The following GRIK4 variants were observed in gnomAD, a reference collection of about 807,000 sequenced individuals.
GRIK4 encodes glutamate receptor ionotropic, kainate 4.
Under a neutral mutation model 104.9 loss-of-function variants are expected in GRIK4, and 40 were observed. The observed-to-expected ratio is 0.38, with a 90% CI of 0.30 to 0.50. GRIK4 has a LOEUF of 0.50. Among genes scored for constraint, GRIK4 ranks in the 20% least tolerant of loss-of-function variants. The pLI is 0.93. For synonymous variants in GRIK4, 485 were observed against 524.9 expected (o/e 0.92, Z 1.04); for missense variants, 1,047 against 1,308.1 (o/e 0.80, Z 3.08).
intron 4 of GRIK4, among the ~76,000 whole-genome samples, chr11:120,807,939 C>A (rs545266760): frequency 3.9e-5 from 6 of 152,156 alleles, no homozygotes; most frequent in Non-Finnish European, 8.8e-5. Context: ...ATGAGTGGCA[C>A]AGACAGGGGA....
chr11:120,917,781 A>C (rs1023601106), intron 13 of GRIK4, among the ~76,000 whole-genome samples: 1 of 152,216 alleles, frequency 6.6e-6, no homozygotes, highest in Non-Finnish European at 1.5e-5. Flanking sequence ...GAGCTCCTTC[A>C]AACCCCATTG....
At chr11:120,845,022 C>T (rs1241371654) in intron 8 of GRIK4, among the ~76,000 whole-genome samples, 1 of 152,192 alleles carries the variant, frequency 6.6e-6, no homozygotes, top group Non-Finnish European at 1.5e-5. Context: ...GTGGTGTCTT[C>T]AGGCCAACAC....
At chr11:120,596,021 A>G (rs1948797449) in intron 1 of GRIK4, among the ~76,000 whole-genome samples, 1 of 151,838 alleles carries the variant, frequency 6.6e-6, no homozygotes, top group East Asian at 1.9e-4. Context: ...TAATTTTTGT[A>G]TTTTTAGTAG....
At chr11:120,660,494 C>A in intron 3 of GRIK4, 94 bp downstream of exon 3, 2 of 936,322 alleles carry the variant, frequency 2.1e-6, no homozygotes, top group Non-Finnish European at 3.3e-6. Context: ...GGGGAAGCTG[C>A]CCAGCCCGTG....
chr11:120,535,294 G>GT (rs59203987), intron 1 of GRIK4, among the ~76,000 whole-genome samples: 1 of 145,582 alleles, frequency 6.9e-6, no homozygotes, highest in South Asian at 2.2e-4. Context: ...GGGAAGGGGG[G>GT]TGCAGATCTT....
chr11:120,512,436 G>T (rs888491447), intron 1 of GRIK4, among the ~76,000 whole-genome samples: 2 of 146,644 alleles, frequency 1.4e-5, no homozygotes, highest in South Asian at 4.4e-4. Flanking sequence ...CATCTGCCTC[G>T]ACTGCCCCCT....
intron 1 of GRIK4, among the ~76,000 whole-genome samples, chr11:120,602,742 G>A (rs1043219053): frequency 4.6e-5 from 7 of 152,206 alleles, no homozygotes; most frequent in East Asian, 3.9e-4. Context: ...TCGCTCTGTC[G>A]TCCAGGCTGG....
intron 4 of GRIK4, among the ~76,000 whole-genome samples, chr11:120,810,130 A>G (rs947328276): frequency 6.6e-6 from 1 of 152,204 alleles, no homozygotes; most frequent in African/African-American, 2.4e-5. Flanking sequence ...TTGAATCTCC[A>G]GTAACCCCAT....
chr11:120,861,264 A>G (rs956130825), intron 8 of GRIK4, among the ~76,000 whole-genome samples: 13 of 151,610 alleles, frequency 8.6e-5, no homozygotes, highest in African/African-American at 3.1e-4. Flanking sequence ...ATGCACCACC[A>G]CATCCGGCTA....
chr11:120,868,706 C>G (rs1954507505), intron 9 of GRIK4: 1 of 152,188 alleles, frequency 6.6e-6, no homozygotes, highest in African/African-American at 2.4e-5. Context: ...CTCAGCCTCC[C>G]AAGTAGCTGG....
chr11:120,718,552 C>T (rs547306759), intron 3 of GRIK4, among the ~76,000 whole-genome samples: 9 of 152,330 alleles, frequency 5.9e-5, no homozygotes, highest in African/African-American at 2.2e-4. Context: ...CCTCCAGCCG[C>T]AAGTACAGCC....
chr11:120,522,024 G>A (rs1947801431), intron 1 of GRIK4, among the ~76,000 whole-genome samples: 1 of 152,200 alleles, frequency 6.6e-6, no homozygotes. Context: ...AGTAGGTACT[G>A]TTGTCCCACT....
At chr11:120,774,629 T>C (rs1207679785) in intron 3 of GRIK4, among the ~76,000 whole-genome samples, 3 of 152,152 alleles carry the variant, frequency 2.0e-5, no homozygotes, top group African/African-American at 7.2e-5. Context: ...GTTAATCATA[T>C]AAAAAATACC....
intron 3 of GRIK4, among the ~76,000 whole-genome samples, chr11:120,799,548 T>C (rs1952585565): frequency 6.6e-6 from 1 of 152,248 alleles, no homozygotes. Context: ...GGAGTCAGGC[T>C]GACCTGGGCT....
chr11:120,685,927 C>T (rs1950268558), intron 3 of GRIK4, among the ~76,000 whole-genome samples: 2 of 152,172 alleles, frequency 1.3e-5, no homozygotes, highest in Non-Finnish European at 2.9e-5. Flanking sequence ...TCCAAATCAT[C>T]TGCAGCGCTA....
At chr11:120,797,617 G>A (rs1416001629) in intron 3 of GRIK4, among the ~76,000 whole-genome samples, 2 of 152,130 alleles carry the variant, frequency 1.3e-5, no homozygotes, top group African/African-American at 4.8e-5. Flanking sequence ...TTTTATGCCA[G>A]CCAACCACTG....
intron 1 of GRIK4, among the ~76,000 whole-genome samples, chr11:120,631,378 G>A (rs1300371031): frequency 2.0e-5 from 3 of 152,174 alleles, no homozygotes; most frequent in African/African-American, 7.2e-5. Context: ...CTGGGGATAT[G>A]GATGCTGTTG....
intron 1 of GRIK4, among the ~76,000 whole-genome samples, chr11:120,601,885 G>T (rs987841668): frequency 6.6e-6 from 1 of 152,076 alleles, no homozygotes; most frequent in Non-Finnish European, 1.5e-5. Context: ...AAGAAGCTGG[G>T]TGAGCTTCTT....
intron 1 of GRIK4, among the ~76,000 whole-genome samples, chr11:120,627,436 C>G (rs888513561): frequency 1.1e-4 from 16 of 152,350 alleles, no homozygotes; most frequent in African/African-American, 3.8e-4. Flanking sequence ...CTTCCCCTCC[C>G]CAGAGTCTCT....
Sources: gnomAD v4.1 joint callset for allele counts (sites outside exome capture counted in the v4.1 genomes callset) on GRCh38, gnomAD v4.1.1 for gene constraint, MANE v1.5 for transcripts, NCBI Gene and HGNC (gene_info 2026-07-23, HGNC 2026-07-21) for gene names.